Variants in ZNF577 observed in about 807,000 individuals in gnomAD.
The protein encoded by ZNF577 is zinc finger protein 577.
In ZNF577, 14 loss-of-function variants were observed where a neutral mutation model predicts 13.9. The ratio of observed to expected loss-of-function variants is 1.00; its 90% CI spans 0.66 to 1.57. The LOEUF (loss-of-function observed/expected upper bound fraction) is 1.57. ZNF577 is among the 40% of genes most tolerant of loss of function. The pLI, the probability that ZNF577 is intolerant of heterozygous loss-of-function variation, is 0.00. For missense variants in ZNF577, 555 were observed against 579.2 expected, an observed-to-expected ratio of 0.96 and a Z score of 0.43; for synonymous variants, 203 against 202.9, an observed-to-expected ratio of 1.00 and a Z score of 0.00.
In ZNF577 at chr19:51,868,166, TAGA is replaced by T. The variant is rs947634602; in HGVS notation, c.*4363_*4365del. Among the ~76,000 whole-genome samples the T allele has an allele frequency of 8.5e-5, 13 of 152,196 alleles. No individual in the cohort carries two copies. Among genetic ancestry groups the T allele is most frequent in the Admixed American group, 4.6e-4 (7 of 15,288 alleles). ...ACATAAATCATCTTCCCACTTGTAATAGAAGTTCTTTTTAAAAGTTGCTGACTT... is the reference window on the plus strand; with the variant it reads ...ACATAAATCATCTTCCCACTTGTAATAGTTCTTTTTAAAAGTTGCTGACTT... On this transcript the variant is annotated 3_prime_UTR_variant, in exon 6 of 6. Transcript: ENST00000638348.
chr19:51,886,431 C>T (rs1164564794), intron 1 of ZNF577: 1 of 152,078 alleles, frequency 6.6e-6, no homozygotes, highest in Non-Finnish European at 1.5e-5. Context: ...TCCAAGATAT[C>T]TTTTCATTTT....
rs1254991299 is a variant in ZNF577 at position 51,867,448 on chromosome 19, A to G, written c.*5084T>C. 6.6e-6 allele frequency among the ~76,000 whole-genome samples: 1 copy of G among 152,004 alleles called. No homozygotes were observed. Among genetic ancestry groups the G allele is most frequent in the Non-Finnish European group, 1.5e-5 (1 of 67,998 alleles). On this transcript the variant is annotated 3_prime_UTR_variant, in exon 6 of 6. Transcript: ENST00000638348. ...CTTTTAGAATTGTGACAATTACTCAATTTCCCTCCCTTAATGAAGGACAAC... is the reference window on the plus strand; with the variant it reads ...CTTTTAGAATTGTGACAATTACTCAGTTTCCCTCCCTTAATGAAGGACAAC...
At chr19:51,848,303 G>A (rs575528822) in intron 5 of ZNF577, among the ~76,000 whole-genome samples, 3 of 152,274 alleles carry the variant, frequency 2.0e-5, no homozygotes, top group Admixed American at 2.0e-4. Context: ...AGGTGAGGCC[G>A]TATTGAAAAG....
chr19:51,809,299 C>CA (rs1407896162), intron 10 of ZNF577, among the ~76,000 whole-genome samples: 1 of 152,234 alleles, frequency 6.6e-6, no homozygotes, highest in Non-Finnish European at 1.5e-5. Context: ...GCTGTTCCTA[C>CA]TCCCACTAGG....
rs1599876705 is a variant in ZNF577 at position 51,880,689 on chromosome 19, C to A, written c.-30G>T. The stretch of plus-strand genomic sequence containing the variant: ...TAAAACAAACCTCACCTGGGCCTTG[C>A]CCATTTCGTTCAACTCTTAGGGGCT... On this transcript the variant is annotated 5_prime_UTR_variant, in exon 2 of 6. Coordinates refer to ENST00000638348, the MANE Select transcript of ZNF577 (RefSeq NM_001370449.1). The A allele has an allele frequency of 8.0e-6, 3 of 373,718 alleles. No individual in the cohort carries two copies. The East Asian group carries it at 1.7e-4, about 21-fold the overall frequency. The allele number at this position is 373,718 out of a possible 1,614,324, so 23.2% of individuals were successfully genotyped here.
chr19:51,841,166 A>G (rs2084318358), intron 8 of ZNF577, among the ~76,000 whole-genome samples: 1 of 152,120 alleles, frequency 6.6e-6, no homozygotes, highest in Non-Finnish European at 1.5e-5. Context: ...TGCAAGGAAC[A>G]CCACTTTCCG....
At chr19:51,864,923 G>A (rs181025515), downstream of ZNF577, among the ~76,000 whole-genome samples, 11 of 152,238 alleles carry the variant, frequency 7.2e-5, no homozygotes, top group Admixed American at 4.6e-4. Flanking sequence ...CATCCATCAC[G>A]CTCAAACAAT....
chr19:51,860,747 ATAT>A, intron 5 of ZNF577: 1 of 272,676 alleles, frequency 3.7e-6, no homozygotes, highest in Non-Finnish European at 6.9e-6. Flanking sequence ...CACATTTACT[ATAT>A]TAATAGGGGT....
At chr19:51,859,478 A>G (rs139150246) in intron 5 of ZNF577, among the ~76,000 whole-genome samples, 30 of 152,308 alleles carry the variant, frequency 2.0e-4, no homozygotes, top group African/African-American at 7.2e-4. Flanking sequence ...CAAACTTGAA[A>G]TATATAGCCA....
At chr19:51,825,523 G>T (rs2084226596) in intron 9 of ZNF577, 1 of 167,038 alleles carries the variant, frequency 6.0e-6, no homozygotes, top group African/African-American at 2.4e-5. Flanking sequence ...AAAGGAGAGA[G>T]ATTCTGTTTC....
intron 5 of ZNF577, among the ~76,000 whole-genome samples, chr19:51,857,365 GGAAAGAAAGAAA>G (rs369768303): frequency 0.029 from 2,734 of 93,270 alleles, 37 homozygotes; most frequent in Middle Eastern, 0.04. Context: ...AAAGAAGGAA[GGAAAGAAAGAAA>G]GAAAGAAAGA....
downstream of ZNF577, among the ~76,000 whole-genome samples, chr19:51,804,572 G>A (rs7258819): frequency 0.1 from 15,503 of 152,184 alleles, 1,072 homozygotes; most frequent in Middle Eastern, 0.17. Flanking sequence ...AAAAGGCACT[G>A]ATTTGGTTTT....
intron 1 of ZNF577, among the ~76,000 whole-genome samples, chr19:51,885,875 C>T (rs534052565): frequency 6.6e-6 from 1 of 152,226 alleles, no homozygotes; most frequent in Admixed American, 6.5e-5. Flanking sequence ...CTCATAACTC[C>T]CATAAGCCAT....
intron 9 of ZNF577, among the ~76,000 whole-genome samples, chr19:51,831,834 C>T (rs1005610978): frequency 2.6e-5 from 4 of 152,168 alleles, no homozygotes; most frequent in Admixed American, 2.6e-4. Flanking sequence ...ATTTCTCAAA[C>T]ATACCAAATC....
intron 9 of ZNF577, among the ~76,000 whole-genome samples, chr19:51,838,520 C>G: frequency 6.8e-6 from 1 of 147,524 alleles, no homozygotes; most frequent in South Asian, 2.1e-4. Context: ...AGCCATTCTC[C>G]CTGGTATAAG....
Position 51,824,802 on chromosome 19 carries a change from G to A in ZNF577, c.*600-13128C>T. 1 of 1,607,646 alleles carries A rather than the reference G, an allele frequency of 6.2e-7. No homozygotes were observed. Among genetic ancestry groups the A allele is most frequent in the Non-Finnish European group, 8.5e-7 (1 of 1,176,202 alleles). On this transcript the variant is annotated intron_variant and NMD_transcript_variant, in intron 9 of 10. Coordinates refer to the ZNF577 transcript ENST00000638827. The surrounding 1 kb of genome is among the most constrained non-coding windows in gnomAD (Gnocchi z 4.7). ...ACCTCCTGAGGAGACGGAGTTACAA[G>A]CAATGTGAGGTCGGGGATATTTTTG...
intron 9 of ZNF577, among the ~76,000 whole-genome samples, chr19:51,822,705 G>A (rs1268449004): frequency 1.3e-5 from 2 of 152,238 alleles, no homozygotes; most frequent in African/African-American, 4.8e-5. Flanking sequence ...ACAAATACTA[G>A]CTAAATATTC....
chr19:51,817,038 G>C (rs1173327277), intron 9 of ZNF577, among the ~76,000 whole-genome samples: 1 of 152,096 alleles, frequency 6.6e-6, no homozygotes, highest in East Asian at 1.9e-4. Context: ...CTTGACCCTT[G>C]TTATTTGGAG....
chr19:51,828,461 T>C (rs886514945), intron 9 of ZNF577, among the ~76,000 whole-genome samples: 12 of 152,180 alleles, frequency 7.9e-5, no homozygotes, highest in African/African-American at 2.4e-4. Context: ...GATGGGCTAA[T>C]TAAGAGACTT....
Sources: allele counts gnomAD v4.1 joint callset (sites outside exome capture counted in the v4.1 genomes callset), GRCh38; gene constraint gnomAD v4.1.1; non-coding constraint Gnocchi (gnomAD v3.1); transcripts MANE v1.5; gene names NCBI Gene and HGNC (gene_info 2026-07-23, HGNC 2026-07-21).